SHANK2: variants seen among roughly 807,000 people sequenced by gnomAD.
SHANK2 encodes the protein SH3 and multiple ankyrin repeat domains protein 2.
Under a neutral mutation model 133.7 loss-of-function variants are expected in SHANK2, and 43 were observed. The observed-to-expected ratio is 0.32, with a 90% CI of 0.25 to 0.41. The LOEUF (loss-of-function observed/expected upper bound fraction) is 0.41, where lower values mean the gene tolerates loss of function less well. Among genes scored for constraint, SHANK2 ranks in the 10% least tolerant of loss-of-function variants. The pLI is 1.00. For synonymous variants in SHANK2, 1,017 were observed against 952.8 expected (o/e 1.07, Z -1.24); for missense variants, 1,994 against 2,235.8 (o/e 0.89, Z 2.18).
chr11:71,078,715 C>A (rs2135994434), intron 8 of SHANK2, among the ~76,000 whole-genome samples: 1 of 152,330 alleles, frequency 6.6e-6, no homozygotes, highest in Non-Finnish European at 1.5e-5. Context: ...AGTTACCACC[C>A]CTTTCCCTGG....
At chr11:70,892,685 C>A (rs1949867014) in intron 11 of SHANK2, among the ~76,000 whole-genome samples, 1 of 152,196 alleles carries the variant, frequency 6.6e-6, no homozygotes, top group African/African-American at 2.4e-5. Context: ...GGTGCCCTGC[C>A]TGCATCTCCT....
chr11:70,881,371 T>C lies in SHANK2; in HGVS notation c.1174+15130A>G, dbSNP rs534448825. 5.0e-3 allele frequency among the ~76,000 whole-genome samples: 765 copies of C among 152,072 alleles called. 6 individuals carry two copies. The highest frequency in any genetic ancestry group is 0.012 in the South Asian group (56 of 4,800). ...CAAGAGTCTTTCTACAGCTTCACCA[T>C]GAAGCAGGTGGGTGAATCAGGGGTA... On this transcript the variant is annotated intron_variant, in intron 11 of 25. Coordinates refer to ENST00000601538, the MANE Select transcript of SHANK2 (RefSeq NM_012309.5).
rs546220791 is a variant in SHANK2, at chr11:71,250,321, G to A, written c.-113+2104C>T. Among the ~76,000 whole-genome samples the A allele has an allele frequency of 1.5e-3, 222 of 152,226 alleles. 1 individual carries two copies. The highest frequency in any genetic ancestry group is 5.1e-3 in the African/African-American group (210 of 41,516). ...CTTCCAGGAAAACAAGGAATTCCTG[G>A]GTGTAATAATGGAATCAGAGGCCTT... On this transcript the variant is annotated intron_variant, in intron 1 of 25. Transcript: ENST00000601538.
intron 14 of SHANK2, among the ~76,000 whole-genome samples, chr11:70,700,225 C>T (rs181160965): frequency 2.6e-4 from 40 of 152,330 alleles, no homozygotes; most frequent in East Asian, 1.9e-4. Context: ...GCCACATCAT[C>T]ACCATCTCCA....
intron 2 of SHANK2, among the ~76,000 whole-genome samples, chr11:71,174,329 C>G (rs899528449): frequency 1.3e-5 from 2 of 151,968 alleles, no homozygotes; most frequent in East Asian, 3.9e-4. Flanking sequence ...CATTTGAGTC[C>G]AAGAGTTTGA....
At chr11:70,692,033 C>A (rs548606939) in intron 15 of SHANK2, among the ~76,000 whole-genome samples, 2 of 152,184 alleles carry the variant, frequency 1.3e-5, no homozygotes, top group South Asian at 4.1e-4. Flanking sequence ...CGAGGCCCAG[C>A]CTTCAGTTGA....
At chr11:70,622,988 C>T (rs1268329293) in intron 17 of SHANK2, among the ~76,000 whole-genome samples, 10 of 152,036 alleles carry the variant, frequency 6.6e-5, no homozygotes, top group African/African-American at 2.4e-4. Flanking sequence ...ACCAGCCTGA[C>T]CAACATGGTG....
chr11:71,215,050 G>A (rs1277865041), intron 2 of SHANK2, among the ~76,000 whole-genome samples: 11 of 152,264 alleles, frequency 7.2e-5, no homozygotes, highest in Non-Finnish European at 1.0e-4. Flanking sequence ...TCCCTTCAGC[G>A]GACAGCTCCC....
chr11:70,740,046 CT>C (rs1946487575), intron 14 of SHANK2, among the ~76,000 whole-genome samples: 2 of 151,940 alleles, frequency 1.3e-5, no homozygotes, highest in Non-Finnish European at 2.9e-5. Flanking sequence ...TTGTTAATGG[CT>C]CCGTCCACAG....
intron 11 of SHANK2, among the ~76,000 whole-genome samples, chr11:70,885,150 G>A (rs1354237215): frequency 1.3e-5 from 2 of 152,188 alleles, no homozygotes; most frequent in African/African-American, 4.8e-5. Flanking sequence ...TGGGAACCAG[G>A]GAACAAAGTC....
chr11:71,203,348 A>G (rs538976019), intron 2 of SHANK2, among the ~76,000 whole-genome samples: 2 of 152,336 alleles, frequency 1.3e-5, no homozygotes, highest in East Asian at 1.9e-4. Context: ...TATAAGAAGT[A>G]TCTAAATCAG....
At chr11:70,909,238 A>G (rs781933810) in intron 10 of SHANK2, among the ~76,000 whole-genome samples, 9 of 152,372 alleles carry the variant, frequency 5.9e-5, no homozygotes, top group Non-Finnish European at 1.2e-4. Flanking sequence ...ATGATTTTCA[A>G]GAGTGACTCT....
At chr11:70,862,892 T>C (rs918982688) in intron 11 of SHANK2, 3 of 261,754 alleles carry the variant, frequency 1.1e-5, no homozygotes, top group Non-Finnish European at 2.3e-5. Context: ...GGAGGAGACA[T>C]GGGTGTGGGG....
In SHANK2 at chr11:70,893,867, C is replaced by T. The variant is rs1555075180; in HGVS notation, c.1174+2634G>A. On this transcript the variant is annotated intron_variant, in intron 11 of 25. Coordinates refer to ENST00000601538, the MANE Select transcript of SHANK2 (RefSeq NM_012309.5). Reference sequence around the variant, plus strand: ...AACATACGGACATGAGAGACTCAAACCTCGATCCTGGCACTTCAAAATATG... The same window carrying T: ...AACATACGGACATGAGAGACTCAAATCTCGATCCTGGCACTTCAAAATATG... 3.9e-5 allele frequency among the ~76,000 whole-genome samples: 6 copies of T among 152,166 alleles called. 1 individual carries two copies. In the South Asian group the frequency reaches 1.2e-3, roughly 32 times the overall value.
chr11:70,677,583 C>G (rs1944927345), intron 15 of SHANK2, among the ~76,000 whole-genome samples: 1 of 152,184 alleles, frequency 6.6e-6, no homozygotes, highest in Non-Finnish European at 1.5e-5. Context: ...CCTGGACAAC[C>G]CTGCTCATTG....
chr11:71,060,622 G>A (rs1348099648), intron 9 of SHANK2, among the ~76,000 whole-genome samples: 3 of 152,272 alleles, frequency 2.0e-5, no homozygotes, highest in Non-Finnish European at 2.9e-5. Flanking sequence ...GACCATGCAT[G>A]TCAGCAGGGG....
At chr11:70,577,513 C>G (rs889434019) in intron 17 of SHANK2, among the ~76,000 whole-genome samples, 2 of 152,198 alleles carry the variant, frequency 1.3e-5, no homozygotes, top group African/African-American at 4.8e-5. Context: ...AGGTAACAGG[C>G]GTGGGGTCCT....
chr11:70,937,319 T>C (rs1950585672), intron 10 of SHANK2, among the ~76,000 whole-genome samples: 1 of 152,214 alleles, frequency 6.6e-6, no homozygotes, highest in Non-Finnish European at 1.5e-5. Context: ...AGTCATGTGG[T>C]AACAGGGACG....
chr11:70,580,540 T>C (rs1554985196), intron 17 of SHANK2, among the ~76,000 whole-genome samples: 1 of 152,242 alleles, frequency 6.6e-6, no homozygotes, highest in Non-Finnish European at 1.5e-5. Context: ...AGTCTGGGTC[T>C]GCTCGGTGTT....
Sources: gnomAD v4.1 joint callset for allele counts (sites outside exome capture counted in the v4.1 genomes callset) on GRCh38, gnomAD v4.1.1 for gene constraint, MANE v1.5 for transcripts, NCBI Gene and HGNC (gene_info 2026-07-23, HGNC 2026-07-21) for gene names.